PSME4: variants seen among roughly 807,000 people sequenced by gnomAD.
PSME4 encodes proteasome activator complex subunit 4.
Under a neutral mutation model 253.9 loss-of-function variants are expected in PSME4, and 89 were observed. The observed-to-expected ratio is 0.35, with a 90% CI of 0.30 to 0.42. The LOEUF is 0.42. PSME4 is among the 10% of genes least tolerant of loss of function. The pLI is 1.00. For synonymous variants in PSME4, 851 were observed against 759.2 expected, an observed-to-expected ratio of 1.12 and a Z score of -1.99; for missense variants, 2,014 against 2,195.2, an observed-to-expected ratio of 0.92 and a Z score of 1.65.
At chr2:53,927,628 T>A in intron 11 of PSME4, 145 bp from the exon 12 acceptor site, 1 of 684,424 alleles carries the variant, frequency 1.5e-6, no homozygotes, top group East Asian at 2.6e-5. Flanking sequence ...CATTTAGAAT[T>A]GAACACTGTA....
chr2:53,885,222 G>A (rs1196623040), intron 41 of PSME4, among the ~76,000 whole-genome samples: 2 of 152,272 alleles, frequency 1.3e-5, no homozygotes, highest in East Asian at 3.9e-4. Context: ...TTAACAAAAT[G>A]TCATTATATC....
chr2:53,911,596 G>A (rs545677005), intron 20 of PSME4, among the ~76,000 whole-genome samples: 3 of 145,914 alleles, frequency 2.1e-5, no homozygotes, highest in African/African-American at 7.5e-5. Context: ...CCCTCCCCCC[G>A]CCCACTGTTA....
chr2:53,906,233 C>A (rs1029899044), intron 26 of PSME4, among the ~76,000 whole-genome samples: 3 of 152,158 alleles, frequency 2.0e-5, no homozygotes, highest in African/African-American at 7.2e-5. Context: ...GTAGACTGGG[C>A]TTCAAAATGT....
chr2:53,890,563 T>G, intron 36 of PSME4, among the ~76,000 whole-genome samples: 1 of 152,194 alleles, frequency 6.6e-6, no homozygotes, highest in Non-Finnish European at 1.5e-5. Flanking sequence ...CACCTTGGCC[T>G]CCCAAAGTGC....
chr2:53,907,131 T>C (rs1680697425), intron 24 of PSME4, among the ~76,000 whole-genome samples: 1 of 152,142 alleles, frequency 6.6e-6, no homozygotes, highest in Admixed American at 6.5e-5. Context: ...GACCCATGCA[T>C]GGGAGAGCAA....
At chr2:53,898,696 A>G (rs1680255171) in intron 29 of PSME4, among the ~76,000 whole-genome samples, 1 of 151,982 alleles carries the variant, frequency 6.6e-6, no homozygotes, top group African/African-American at 2.4e-5. Flanking sequence ...TCTGAAATAT[A>G]TTAGGTAGGC....
intron 32 of PSME4, 137 bp downstream of exon 32, chr2:53,896,667 C>G (rs1228611227): frequency 3.0e-5 from 19 of 637,956 alleles, no homozygotes; most frequent in Non-Finnish European, 4.6e-5. Flanking sequence ...TCAACTGTTT[C>G]CTTCATAATA....
In PSME4 at chr2:53,958,531, C is replaced by T. The variant is rs138187215; in HGVS notation, c.243-9248G>A. On this transcript the variant is annotated intron_variant, in intron 1 of 46. Transcript: ENST00000404125. ...GAAACCAAATCCATTTGAAAACACACACGAGTCTTAATTAAACAGTCAATA... is the reference window on the plus strand; with the variant it reads ...GAAACCAAATCCATTTGAAAACACATACGAGTCTTAATTAAACAGTCAATA... Among the ~76,000 whole-genome samples the T allele has an allele frequency of 1.2e-3, 184 of 152,164 alleles. No individual in the cohort carries two copies. The Middle Eastern group carries it at 0.014, about 11-fold the overall frequency.
In PSME4 at chr2:53,921,102, A is replaced by C; in HGVS notation, c.2049T>G (p.Ile683Met). The change falls in exon 18 of 47, where the codon ATT (isoleucine) becomes ATG (methionine). Residue 683 changes from isoleucine (I) to methionine (M), a missense_variant and splice_region_variant. Physicochemically the swap from Ile to Met is conservative, Grantham distance 10. Coordinates refer to ENST00000404125, the MANE Select transcript of PSME4 (RefSeq NM_014614.3). Reference protein sequence around the residue: ...LLWNLQLLSEITRVDGRKLLL... With the variant: ...LLWNLQLLSEMTRVDGRKLLL... ...GCAACTTCCTTCCATCCACTCGAGTAATCTAAAAGGAGGGAAAAAATAGTT... is the reference window on the plus strand; with the variant it reads ...GCAACTTCCTTCCATCCACTCGAGTCATCTAAAAGGAGGGAAAAAATAGTT... The C allele has an allele frequency of 6.2e-7, 1 of 1,613,488 alleles. No individual in the cohort carries two copies. The highest frequency in any genetic ancestry group is 8.5e-7 in the Non-Finnish European group (1 of 1,179,920).
chr2:53,939,209 T>C (rs964609148), intron 4 of PSME4, among the ~76,000 whole-genome samples: 2 of 152,186 alleles, frequency 1.3e-5, no homozygotes, highest in Non-Finnish European at 2.9e-5. Context: ...AAATATCCGA[T>C]TTATTAAATA....
In PSME4 at chr2:53,904,132, A is replaced by G. The variant is rs772626000; in HGVS notation, c.2968T>C (p.Phe990Leu). 48 of 1,612,230 alleles carry G rather than the reference A, an allele frequency of 3.0e-5. No individual in the cohort carries two copies. Among genetic ancestry groups the G allele is most frequent in the Middle Eastern group, 1.6e-4 (1 of 6,074 alleles). Residue 990 changes from phenylalanine (F) to leucine (L), a missense_variant, in exon 27 of 47, where the codon TTT (phenylalanine) becomes CTT (leucine). Phe to Leu is a conservative substitution (Grantham distance 22). This residue lies in a region of PSME4 where 989 missense variants were observed against 1,021.1 expected (regional missense o/e 0.97). Transcript: ENST00000404125. ...TTATATGCTCCCAAGGCAGCAAAAA[A>G]TGTTTGCTGAGCCTTATTTCTCACC... ...SQVRNKAQQT[F>L]FAALGAYNFC... is the part of the protein sequence containing the mutation.
At chr2:53,915,397 G>A (rs1668013818) in intron 20 of PSME4, among the ~76,000 whole-genome samples, 1 of 151,872 alleles carries the variant, frequency 6.6e-6, no homozygotes, top group Admixed American at 6.6e-5. Context: ...CCAAGACTGT[G>A]CCACTGTATT....
chr2:53,897,258 C>G (rs943208388), intron 31 of PSME4, among the ~76,000 whole-genome samples: 2 of 151,944 alleles, frequency 1.3e-5, no homozygotes, highest in African/African-American at 4.8e-5. Context: ...CAACCTCCCC[C>G]TCCCGGGTTC....
intron 8 of PSME4, 108 bp from the exon 9 acceptor site, chr2:53,932,868 T>C: frequency 1.4e-6 from 1 of 740,462 alleles, no homozygotes. Flanking sequence ...TATAGTCAAC[T>C]TGCTGACAAA....
chr2:53,950,836 C>T (rs1322496379), intron 1 of PSME4, among the ~76,000 whole-genome samples: 1 of 129,888 alleles, frequency 7.7e-6, no homozygotes, highest in South Asian at 2.4e-4. Context: ...AGAGAAACTC[C>T]GTCTCAAAAA....
chr2:53,873,149 G>A (rs555438054), intron 43 of PSME4, among the ~76,000 whole-genome samples: 1 of 150,652 alleles, frequency 6.6e-6, no homozygotes, highest in Non-Finnish European at 1.5e-5. Context: ...GCTGAGGCAG[G>A]AGAATGGCGT....
At chr2:53,923,221 G>A in intron 15 of PSME4, 100 bp downstream of exon 15, 1 of 1,456,840 alleles carries the variant, frequency 6.9e-7, no homozygotes, top group Non-Finnish European at 9.3e-7. Flanking sequence ...GCTACTGAAA[G>A]AACTATGCAT....
At chr2:53,966,704 T>G (rs1006412037) in intron 1 of PSME4, among the ~76,000 whole-genome samples, 4 of 151,962 alleles carry the variant, frequency 2.6e-5, no homozygotes, top group African/African-American at 7.2e-5. Flanking sequence ...TTTTTTGGGG[T>G]TTTTTTCTTT....
intron 41 of PSME4, 22 bp downstream of exon 41, chr2:53,885,668 C>A: frequency 1.3e-6 from 2 of 1,570,298 alleles, no homozygotes; most frequent in Admixed American, 1.7e-5. Context: ...GAGATGCATT[C>A]TTAATTTCAG....
Sources: gnomAD v4.1 joint callset for allele counts (sites outside exome capture counted in the v4.1 genomes callset) on GRCh38, gnomAD v4.1.1 for gene constraint, gnomAD v4.1.1 regional missense constraint, MANE v1.5 for transcripts, NCBI Gene and HGNC (gene_info 2026-07-23, HGNC 2026-07-21) for gene names.